Variants in RGS6 observed in about 807,000 individuals in gnomAD.
The protein encoded by RGS6 is regulator of G protein signaling 6.
A neutral mutation model predicts 78.5 loss-of-function variants in RGS6; 30 were observed. The ratio of observed to expected loss-of-function variants is 0.38; its 90% CI spans 0.29 to 0.52. The LOEUF is 0.52. RGS6 is among the 20% of genes least tolerant of loss of function. The probability of loss-of-function intolerance (pLI) is 0.85; values close to 1 mark genes in which losing one functional copy is unlikely to be tolerated. For missense variants in RGS6, 495 were observed against 609.7 expected (o/e 0.81, Z 1.98); for synonymous variants, 206 against 206.0 (o/e 1.00, Z 0.00).
the RGS6 span, among the ~76,000 whole-genome samples, chr14:71,909,481 C>CAG: frequency 7.7e-3 from 1,127 of 147,252 alleles, 16 homozygotes; most frequent in African/African-American, 0.021. Flanking sequence ...TACACCTGCA[C>CAG]AGAGAGAGAG....
chr14:72,318,730 G>T (rs847352), intron 2 of RGS6, among the ~76,000 whole-genome samples: 91,378 of 151,952 alleles, frequency 0.6, 29,396 homozygotes, highest in African/African-American at 0.84. Flanking sequence ...ACGCCAATAA[G>T]CCTTTGTTTG....
At chr14:72,176,129 C>CA in intron 2 of RGS6, among the ~76,000 whole-genome samples, 1 of 152,302 alleles carries the variant, frequency 6.6e-6, no homozygotes, top group South Asian at 2.1e-4. Context: ...CAGTCCACCC[C>CA]TTAGTTGAAG....
chr14:71,942,413 G>A (rs2090752862), intron 1 of RGS6, among the ~76,000 whole-genome samples: 1 of 151,914 alleles, frequency 6.6e-6, no homozygotes, highest in South Asian at 2.1e-4. Context: ...GATAAAGCAA[G>A]CAATCTCCTT....
In RGS6 at chr14:72,506,984, T is replaced by TAA. The variant is rs71109738; in HGVS notation, c.966-3136_966-3135dup. Among the ~76,000 whole-genome samples the TAA allele has an allele frequency of 6.2e-3, 335 of 54,296 alleles. 20 individuals carry two copies. The highest frequency in any genetic ancestry group is 0.013 in the African/African-American group (288 of 21,532). 35.6% of individuals were successfully genotyped at this position (54,296 alleles called of 152,430 possible). On this transcript the variant is annotated intron_variant, in intron 13 of 17. Coordinates refer to ENST00000553525, the MANE Select transcript of RGS6 (RefSeq NM_001204424.2). Reference sequence around the variant, plus strand: ...TAACACGGTGAAACCCTGTCTCTACTAAAAAAAAAAAAAAAAAAAAAAAAA... The same window carrying TAA: ...TAACACGGTGAAACCCTGTCTCTACTAAAAAAAAAAAAAAAAAAAAAAAAAAA...
At chr14:72,272,253 A>T (rs1567632046) in intron 2 of RGS6, among the ~76,000 whole-genome samples, 1 of 152,196 alleles carries the variant, frequency 6.6e-6, no homozygotes. Context: ...CTTTGCCAAC[A>T]GTGACTTCAT....
At chr14:72,518,278 C>A (rs909757492) in intron 14 of RGS6, 73 bp from the exon 15 acceptor site, 3 of 1,453,100 alleles carry the variant, frequency 2.1e-6, no homozygotes, top group Non-Finnish European at 1.9e-6. Context: ...GGGACATCAG[C>A]TCTGGGGCCA....
intron 2 of RGS6, among the ~76,000 whole-genome samples, chr14:71,981,365 A>T (rs6078590): frequency 6.6e-6 from 1 of 151,956 alleles, no homozygotes; most frequent in Non-Finnish European, 1.5e-5. Context: ...CCGTTTTTCT[A>T]TTCTGTTTTT....
intron 2 of RGS6, among the ~76,000 whole-genome samples, chr14:72,194,634 T>G (rs185659030): frequency 1.3e-5 from 2 of 152,226 alleles, no homozygotes; most frequent in Non-Finnish European, 2.9e-5. Context: ...AGTGCTGGGA[T>G]TACAGGCGTG....
intron 2 of RGS6, among the ~76,000 whole-genome samples, chr14:71,976,880 A>C (rs1272203850): frequency 6.9e-6 from 1 of 144,784 alleles, no homozygotes; most frequent in Non-Finnish European, 1.5e-5. Context: ...TCCCACCAAC[A>C]GTGTAAAAGT....
chr14:72,230,674 ACT>A (rs1400802843), intron 2 of RGS6, among the ~76,000 whole-genome samples: 1 of 151,832 alleles, frequency 6.6e-6, no homozygotes, highest in Non-Finnish European at 1.5e-5. Flanking sequence ...CAGGCTGGAA[ACT>A]CTCAGGCAGG....
chr14:72,567,589 A>G (rs1285104807), downstream of RGS6, among the ~76,000 whole-genome samples: 1 of 152,188 alleles, frequency 6.6e-6, no homozygotes, highest in Non-Finnish European at 1.5e-5. Context: ...CTCTCTCCCT[A>G]CACCCTTCTG....
At chr14:72,522,530 G>A (rs773238338) in intron 15 of RGS6, among the ~76,000 whole-genome samples, 1 of 152,176 alleles carries the variant, frequency 6.6e-6, no homozygotes, top group Non-Finnish European at 1.5e-5. Flanking sequence ...GAGTCATGTG[G>A]TCTATGTCAC....
At chr14:72,331,744 C>T (rs2075091096) in intron 2 of RGS6, among the ~76,000 whole-genome samples, 1 of 152,150 alleles carries the variant, frequency 6.6e-6, no homozygotes, top group Non-Finnish European at 1.5e-5. Context: ...CACCCTTCTT[C>T]AAGGCCACTC....
chr14:71,955,748 T>C (rs569081781), intron 1 of RGS6, among the ~76,000 whole-genome samples: 2 of 152,266 alleles, frequency 1.3e-5, no homozygotes, highest in African/African-American at 4.8e-5. Flanking sequence ...CTTTATGACC[T>C]GTATCTTATG....
chr14:72,593,246 C>A, the RGS6 span, among the ~76,000 whole-genome samples: 1 of 152,222 alleles, frequency 6.6e-6, no homozygotes, highest in African/African-American at 2.4e-5. Context: ...TGAACATCCG[C>A]TCTGAGCAGA....
intron 8 of RGS6, among the ~76,000 whole-genome samples, chr14:72,470,903 T>G: frequency 6.7e-6 from 1 of 149,606 alleles, no homozygotes. Flanking sequence ...AAAAACAAGA[T>G]TATAGGGCGT....
chr14:72,302,510 A>G (rs972631680), intron 2 of RGS6, among the ~76,000 whole-genome samples: 6 of 152,206 alleles, frequency 3.9e-5, no homozygotes, highest in African/African-American at 1.4e-4. Flanking sequence ...GTGTTTATCA[A>G]ACTTTTCCCC....
chr14:72,132,948 C>T (rs537385522), intron 2 of RGS6, among the ~76,000 whole-genome samples: 1 of 151,862 alleles, frequency 6.6e-6, no homozygotes, highest in Non-Finnish European at 1.5e-5. Context: ...GAAATGTGTT[C>T]CATTAGATGT....
chr14:72,228,027 T>C (rs1453525937), intron 2 of RGS6, among the ~76,000 whole-genome samples: 1 of 152,050 alleles, frequency 6.6e-6, no homozygotes, highest in East Asian at 1.9e-4. Context: ...TAAGTAGGAT[T>C]CCCCAAGGGG....
Sources: gnomAD v4.1 joint callset for allele counts (sites outside exome capture counted in the v4.1 genomes callset) on GRCh38, gnomAD v4.1.1 for gene constraint, MANE v1.5 for transcripts, NCBI Gene and HGNC (gene_info 2026-07-23, HGNC 2026-07-21) for gene names.